The following ZNF385D variants were observed in gnomAD, a reference collection of about 807,000 sequenced individuals.
ZNF385D encodes zinc finger protein 385D.
In ZNF385D, 15 loss-of-function variants were observed where a neutral mutation model predicts 35.8. The observed-to-expected ratio is 0.42, with a 90% CI of 0.28 to 0.64. The LOEUF is 0.64. ZNF385D is among the 30% of genes least tolerant of loss of function. The probability of loss-of-function intolerance (pLI) is 0.23; values close to 1 mark genes in which losing one functional copy is unlikely to be tolerated. For synonymous variants in ZNF385D, 212 were observed against 186.8 expected (o/e 1.13, Z -1.10); for missense variants, 474 against 494.6 (o/e 0.96, Z 0.39).
At chr3:22,091,548 C>T (rs1701330539) in intron 3 of ZNF385D, among the ~76,000 whole-genome samples, 1 of 151,874 alleles carries the variant, frequency 6.6e-6, no homozygotes, top group African/African-American at 2.4e-5. Context: ...GAATGAAATA[C>T]ATGAGTAGCC....
At chr3:22,039,253 G>GT (rs1233240738) in intron 3 of ZNF385D, among the ~76,000 whole-genome samples, 1 of 67,054 alleles carries the variant, frequency 1.5e-5, no homozygotes, top group African/African-American at 4.8e-5. Context: ...TATAATCCAA[G>GT]CCAAAAAAAA....
At chr3:22,198,740 C>G (rs1696587837) in intron 2 of ZNF385D, among the ~76,000 whole-genome samples, 1 of 151,996 alleles carries the variant, frequency 6.6e-6, no homozygotes, top group African/African-American at 2.4e-5. Flanking sequence ...CACACATTCA[C>G]TATAAAATTA....
intron 3 of ZNF385D, among the ~76,000 whole-genome samples, chr3:22,003,426 G>A (rs1393581039): frequency 1.3e-5 from 2 of 152,066 alleles, no homozygotes; most frequent in Non-Finnish European, 2.9e-5. Context: ...AAATTAAAGA[G>A]GACACTAACA....
chr3:21,599,879 C>A (rs2064232134), intron 2 of ZNF385D, among the ~76,000 whole-genome samples: 1 of 152,166 alleles, frequency 6.6e-6, no homozygotes, highest in Non-Finnish European at 1.5e-5. Context: ...GATGTTGAGA[C>A]CTACTGGGCT....
At chr3:22,272,854 C>T (rs1221484064) in intron 2 of ZNF385D, among the ~76,000 whole-genome samples, 1 of 151,906 alleles carries the variant, frequency 6.6e-6, no homozygotes, top group African/African-American at 2.4e-5. Flanking sequence ...AAAATGTAGT[C>T]TAAGTGCTCA....
chr3:21,970,325 A>T (rs1342370212), intron 3 of ZNF385D, among the ~76,000 whole-genome samples: 1 of 152,164 alleles, frequency 6.6e-6, no homozygotes, highest in African/African-American at 2.4e-5. Context: ...TAATTCAGAG[A>T]AGGAATTCAG....
chr3:22,137,039 T>C (rs1425508267), intron 3 of ZNF385D, among the ~76,000 whole-genome samples: 3 of 152,196 alleles, frequency 2.0e-5, no homozygotes, highest in Admixed American at 1.3e-4. Context: ...GCCCATAGAA[T>C]GTATAACACA....
intron 3 of ZNF385D, among the ~76,000 whole-genome samples, chr3:22,049,183 CT>C (rs1699191782): frequency 6.6e-6 from 1 of 151,940 alleles, no homozygotes; most frequent in African/African-American, 2.4e-5. Context: ...TGTAATCCAG[CT>C]ACTCAGAAGG....
intron 3 of ZNF385D, among the ~76,000 whole-genome samples, chr3:21,789,706 T>A (rs2071846343): frequency 6.8e-6 from 1 of 148,000 alleles, no homozygotes; most frequent in African/African-American, 2.5e-5. Flanking sequence ...GATTTGCATG[T>A]TTATGTAAAA....
chr3:21,691,342 G>C (rs543803551), intron 1 of ZNF385D, among the ~76,000 whole-genome samples: 4 of 152,082 alleles, frequency 2.6e-5, no homozygotes, highest in African/African-American at 7.2e-5. Context: ...TTCTTCCCCA[G>C]TCTACTTCCT....
At chr3:21,737,750 G>T (rs542666952) in intron 1 of ZNF385D, among the ~76,000 whole-genome samples, 3 of 152,150 alleles carry the variant, frequency 2.0e-5, no homozygotes, top group Non-Finnish European at 2.9e-5. Flanking sequence ...GGTCTAAAAG[G>T]TGTTTGGATT....
intron 2 of ZNF385D, among the ~76,000 whole-genome samples, chr3:21,660,957 G>A (rs140733805): frequency 6.6e-6 from 1 of 152,162 alleles, no homozygotes; most frequent in African/African-American, 2.4e-5. Flanking sequence ...GAGACTGGAA[G>A]CCTGAGGCTT....
chr3:21,524,306 T>C (rs1295123000), intron 3 of ZNF385D, among the ~76,000 whole-genome samples: 1 of 152,134 alleles, frequency 6.6e-6, no homozygotes, highest in Non-Finnish European at 1.5e-5. Context: ...GAAATGTCAT[T>C]TGAAAGACAA....
chr3:21,992,204 TC>T (rs746084024), intron 3 of ZNF385D, among the ~76,000 whole-genome samples: 4 of 152,152 alleles, frequency 2.6e-5, no homozygotes, highest in Non-Finnish European at 4.4e-5. Flanking sequence ...CAACATAATA[TC>T]TAATTTCACA....
intron 3 of ZNF385D, among the ~76,000 whole-genome samples, chr3:22,025,396 G>A (rs1456254262): frequency 3.3e-5 from 5 of 152,124 alleles, no homozygotes; most frequent in Admixed American, 3.3e-4. Flanking sequence ...TTGAGAGTGT[G>A]ACCCATGAGG....
At chr3:22,123,585 C>A (rs181046276) in intron 3 of ZNF385D, among the ~76,000 whole-genome samples, 1 of 152,078 alleles carries the variant, frequency 6.6e-6, no homozygotes, top group African/African-American at 2.4e-5. Context: ...CTGGGCCGGG[C>A]GCGGTGGCTG....
chr3:21,954,029 C>A (rs549089602), intron 3 of ZNF385D, among the ~76,000 whole-genome samples: 17 of 152,130 alleles, frequency 1.1e-4, no homozygotes, highest in African/African-American at 3.9e-4. Context: ...CAAATTACTT[C>A]TAATTGAATT....
chr3:21,626,180 T>G (rs1018225821), intron 2 of ZNF385D, among the ~76,000 whole-genome samples: 2 of 152,058 alleles, frequency 1.3e-5, no homozygotes, highest in African/African-American at 4.8e-5. Flanking sequence ...AATTTATATC[T>G]ACTGGTCCAA....
At chr3:21,623,108 C>T (rs2065049373) in intron 2 of ZNF385D, among the ~76,000 whole-genome samples, 1 of 152,018 alleles carries the variant, frequency 6.6e-6, no homozygotes, top group Non-Finnish European at 1.5e-5. Context: ...GCTGTTACTG[C>T]CTGTGTGATT....
Sources: allele counts gnomAD v4.1 joint callset (sites outside exome capture counted in the v4.1 genomes callset), GRCh38; gene constraint gnomAD v4.1.1; transcripts MANE v1.5; gene names NCBI Gene and HGNC (gene_info 2026-07-23, HGNC 2026-07-21).